Variants in ZPBP observed in about 807,000 individuals in gnomAD.
The protein encoded by ZPBP is zona pellucida-binding protein 1.
In ZPBP, 26 loss-of-function variants were observed where a neutral mutation model predicts 44.8. The ratio of observed to expected loss-of-function variants is 0.58; its 90% CI spans 0.43 to 0.81. ZPBP has a LOEUF of 0.81. ZPBP is among the 30% of genes least tolerant of loss of function. The probability of loss-of-function intolerance (pLI) is 0.00; values close to 1 mark genes in which losing one functional copy is unlikely to be tolerated. For missense variants in ZPBP, 409 were observed against 434.0 expected (o/e 0.94, Z 0.51); for synonymous variants, 174 against 153.2 (o/e 1.14, Z -1.00).
At chr7:49,856,309 T>G (rs1790414865) in intron 2 of ZPBP, among the ~76,000 whole-genome samples, 1 of 152,188 alleles carries the variant, frequency 6.6e-6, no homozygotes, top group South Asian at 2.1e-4. Context: ...TCAAGTGAAA[T>G]CTGGTTGTTT....
At chr7:49,858,416 G>A in intron 2 of ZPBP, among the ~76,000 whole-genome samples, 1 of 152,072 alleles carries the variant, frequency 6.6e-6, no homozygotes, top group East Asian at 1.9e-4. Context: ...GGACATGGAT[G>A]AAGCTGAAAA....
intron 6 of ZPBP, among the ~76,000 whole-genome samples, chr7:49,989,374 G>GT (rs1205093711): frequency 6.6e-6 from 1 of 152,168 alleles, no homozygotes; most frequent in African/African-American, 2.4e-5. Flanking sequence ...AGGTTTGAGG[G>GT]TACAAACCCA....
At chr7:49,891,150 TTGAA>T (rs1303239965) in intron 2 of ZPBP, among the ~76,000 whole-genome samples, 9 of 152,284 alleles carry the variant, frequency 5.9e-5, no homozygotes, top group African/African-American at 2.2e-4. Context: ...GGCAAAAATG[TTGAA>T]TGTAAAAAGA....
chr7:49,993,975 A>T (rs934777430), intron 6 of ZPBP, among the ~76,000 whole-genome samples: 1 of 152,176 alleles, frequency 6.6e-6, no homozygotes, highest in African/African-American at 2.4e-5. Context: ...TGAGACACAC[A>T]TATCTTCACT....
intron 1 of ZPBP, 162 bp downstream of exon 1, chr7:50,092,906 C>T: frequency 8.9e-7 from 1 of 1,126,572 alleles, no homozygotes; most frequent in South Asian, 1.7e-5. Context: ...TGCAGAGTGA[C>T]TTTGTACGAC....
intron 4 of ZPBP, among the ~76,000 whole-genome samples, chr7:50,052,568 A>G (rs1376752381): frequency 1.3e-5 from 2 of 152,196 alleles, no homozygotes; most frequent in African/African-American, 4.8e-5. Context: ...TAAATATTCA[A>G]CTATCATATG....
chr7:49,982,167 TTATATATATATAATTTA>T (rs1269287011), intron 7 of ZPBP, among the ~76,000 whole-genome samples: 1 of 60,908 alleles, frequency 1.6e-5, no homozygotes, highest in Non-Finnish European at 2.9e-5. Context: ...ATAATATATA[TTATATATATATAATTTA>T]TTATTATATA....
chr7:50,018,753 C>A (rs1798938921), intron 5 of ZPBP, among the ~76,000 whole-genome samples: 2 of 151,832 alleles, frequency 1.3e-5, no homozygotes, highest in South Asian at 4.2e-4. Context: ...GATCACAATA[C>A]TGGAAAGGGA....
chr7:49,870,069 G>A (rs1334156156), intron 2 of ZPBP, among the ~76,000 whole-genome samples: 1 of 152,196 alleles, frequency 6.6e-6, no homozygotes, highest in East Asian at 1.9e-4. Context: ...AGACAGAAGT[G>A]TAGTACTGAT....
Position 49,978,954 on chromosome 7 carries a change from T to G in ZPBP, c.961+4388A>C, listed in dbSNP as rs534216099. ...CTTGCTTAATAGCTTACAGGAATGATAACACAAAGATAATTATAAATTAAA... is the reference window on the plus strand; with the variant it reads ...CTTGCTTAATAGCTTACAGGAATGAGAACACAAAGATAATTATAAATTAAA... On this transcript the variant is annotated intron_variant, in intron 7 of 7. Transcript: ENST00000046087. 3.9e-4 allele frequency among the ~76,000 whole-genome samples: 60 copies of G among 152,124 alleles called. 1 individual carries two copies. Among genetic ancestry groups the G allele is most frequent in the Admixed American group, 1.7e-3 (26 of 15,254 alleles).
At chr7:50,033,756 A>C (rs1212994960) in intron 4 of ZPBP, among the ~76,000 whole-genome samples, 2 of 151,936 alleles carry the variant, frequency 1.3e-5, no homozygotes, top group Non-Finnish European at 2.9e-5. Context: ...GCAGCAGCAC[A>C]ATCTCTGCTC....
chr7:50,077,915 C>G (rs1427747632), intron 3 of ZPBP, among the ~76,000 whole-genome samples: 3 of 151,724 alleles, frequency 2.0e-5, no homozygotes, highest in Non-Finnish European at 4.4e-5. Flanking sequence ...GAAAGGAAAT[C>G]AATATATTGA....
chr7:49,888,008 T>C (rs1467652541), intron 2 of ZPBP, among the ~76,000 whole-genome samples: 1 of 152,260 alleles, frequency 6.6e-6, no homozygotes, highest in Non-Finnish European at 1.5e-5. Flanking sequence ...CTTGGTATCA[T>C]GTATTTGTCC....
chr7:49,845,890 C>A (rs980220703), downstream of ZPBP, among the ~76,000 whole-genome samples: 1 of 152,052 alleles, frequency 6.6e-6, no homozygotes, highest in Non-Finnish European at 1.5e-5. Context: ...CACACCCACA[C>A]GTTTCTCATC....
At chr7:49,862,688 G>T (rs1790704095) in intron 2 of ZPBP, among the ~76,000 whole-genome samples, 1 of 147,968 alleles carries the variant, frequency 6.8e-6, no homozygotes, top group African/African-American at 2.5e-5. Flanking sequence ...ATTGGATTTT[G>T]TTAAATGCTT....
intron 1 of ZPBP, 149 bp from the exon 2 acceptor site, chr7:50,089,858 C>T (rs1802861919): frequency 1.5e-6 from 1 of 661,852 alleles, no homozygotes; most frequent in Admixed American, 2.5e-5. Flanking sequence ...CTCTATTCCC[C>T]CTCAGATGAT....
intron 1 of ZPBP, among the ~76,000 whole-genome samples, chr7:49,907,318 A>G (rs901084009): frequency 6.6e-6 from 1 of 152,222 alleles, no homozygotes; most frequent in Non-Finnish European, 1.5e-5. Flanking sequence ...ACCTGACTCT[A>G]TATGCCAGTG....
chr7:49,873,737 AT>A (rs1307035902), intron 2 of ZPBP, among the ~76,000 whole-genome samples: 4 of 152,194 alleles, frequency 2.6e-5, no homozygotes, highest in African/African-American at 9.7e-5. Flanking sequence ...CAACATGTAT[AT>A]TTGTTAAATC....
chr7:49,977,286 G>T (rs1212916639), intron 7 of ZPBP, among the ~76,000 whole-genome samples: 1 of 151,994 alleles, frequency 6.6e-6, no homozygotes, highest in Non-Finnish European at 1.5e-5. Flanking sequence ...CGAAAAGGCG[G>T]ATGAGTTTTA....
Sources: allele counts gnomAD v4.1 joint callset (sites outside exome capture counted in the v4.1 genomes callset), GRCh38; gene constraint gnomAD v4.1.1; transcripts MANE v1.5; gene names NCBI Gene and HGNC (gene_info 2026-07-23, HGNC 2026-07-21).